The following ERC2 variants were observed in gnomAD, a reference collection of about 807,000 sequenced individuals.
The protein encoded by ERC2 is ERC protein 2.
A neutral mutation model predicts 114.8 loss-of-function variants in ERC2; 42 were observed. The ratio of observed to expected loss-of-function variants is 0.37; its 90% CI spans 0.29 to 0.47. ERC2 has a LOEUF of 0.47. Ranked by LOEUF, ERC2 falls within the 20% of genes least tolerant of loss-of-function variation. The pLI is 0.99. For missense variants in ERC2, 939 were observed against 1,150.7 expected, an observed-to-expected ratio of 0.82 and a Z score of 2.66; for synonymous variants, 454 against 425.5, an observed-to-expected ratio of 1.07 and a Z score of -0.82.
At chr3:56,111,778 A>G (rs982030160) in intron 6 of ERC2, among the ~76,000 whole-genome samples, 2 of 152,236 alleles carry the variant, frequency 1.3e-5, no homozygotes, top group Non-Finnish European at 2.9e-5. Context: ...ATGGCTCATT[A>G]TGTGAAAAGT....
At chr3:56,426,100 T>G (rs1050634110) in intron 2 of ERC2, among the ~76,000 whole-genome samples, 4 of 152,224 alleles carry the variant, frequency 2.6e-5, no homozygotes, top group Admixed American at 6.5e-5. Context: ...AAAGATTTCC[T>G]AGAATCTCCC....
At chr3:56,140,353 C>T (rs2080780614) in intron 5 of ERC2, among the ~76,000 whole-genome samples, 1 of 152,152 alleles carries the variant, frequency 6.6e-6, no homozygotes, top group Non-Finnish European at 1.5e-5. Context: ...GTCTTTTAGG[C>T]TGATCATATA....
chr3:56,188,165 G>T (rs902098951), intron 3 of ERC2, among the ~76,000 whole-genome samples: 1 of 152,132 alleles, frequency 6.6e-6, no homozygotes, highest in African/African-American at 2.4e-5. Flanking sequence ...CAACTTGAGG[G>T]CCACCCTTCT....
Position 55,792,951 on chromosome 3 carries a change from G to A in ERC2, c.2565-58033C>T, listed in dbSNP as rs187631971. On this transcript the variant is annotated intron_variant, in intron 14 of 17. Transcript: ENST00000288221. ...ACCAGCAGAAATTATTGTGTTTCCTGACAACGGGTGAACCATGCCTGGTGA... is the reference window on the plus strand; with the variant it reads ...ACCAGCAGAAATTATTGTGTTTCCTAACAACGGGTGAACCATGCCTGGTGA... Among the ~76,000 whole-genome samples, 373 of 152,342 alleles carry A rather than the reference G, an allele frequency of 2.4e-3. 3 individuals are homozygous for A. The highest frequency in any genetic ancestry group is 3.9e-3 in the Non-Finnish European group (262 of 68,028).
intron 7 of ERC2, among the ~76,000 whole-genome samples, chr3:56,036,932 T>C (rs957746394): frequency 4.6e-5 from 7 of 151,880 alleles, no homozygotes; most frequent in African/African-American, 1.7e-4. Flanking sequence ...CAGCAAACCA[T>C]AGCAGCCCTA....
chr3:55,845,460 C>T (rs972222749), intron 14 of ERC2, among the ~76,000 whole-genome samples: 4 of 144,080 alleles, frequency 2.8e-5, no homozygotes, highest in African/African-American at 1.0e-4. Context: ...GCCGAGATCC[C>T]GCCACTGCAC....
intron 14 of ERC2, among the ~76,000 whole-genome samples, chr3:55,774,567 T>G (rs2068459277): frequency 6.6e-6 from 1 of 152,238 alleles, no homozygotes; most frequent in Non-Finnish European, 1.5e-5. Flanking sequence ...AAGGAGGCAT[T>G]TGTATTCATT....
rs60242810 is a variant in ERC2, at chr3:55,613,982, CAAAAAAAAAAAAAAAAAA to C, written c.*39+69794_*39+69811del. Among the ~76,000 whole-genome samples the C allele has an allele frequency of 2.4e-4, 15 of 62,276 alleles. No homozygotes were observed. The East Asian group carries it at 4.8e-3, about 20-fold the overall frequency. 40.9% of individuals were successfully genotyped at this position (62,276 alleles called of 152,430 possible). ...TGGGAGACAGAGTGAGACTTCCTCT[CAAAAAAAAAAAAAAAAAA>C]AAAAAAAAAAAAAGAAGACATGGCT... On this transcript the variant is annotated intron_variant, in intron 17 of 17. Transcript: ENST00000288221.
chr3:55,783,382 G>C (rs995318465), intron 14 of ERC2, among the ~76,000 whole-genome samples: 1 of 152,194 alleles, frequency 6.6e-6, no homozygotes, highest in African/African-American at 2.4e-5. Flanking sequence ...TCTAAGGTAA[G>C]CACTCAGCAA....
chr3:56,064,587 C>T (rs1441328397), intron 7 of ERC2, among the ~76,000 whole-genome samples: 1 of 152,228 alleles, frequency 6.6e-6, no homozygotes, highest in Admixed American at 6.5e-5. Flanking sequence ...GAAGACCTCA[C>T]CCTTGGGAAC....
chr3:55,527,051 C>A (rs2053367943), intron 17 of ERC2, among the ~76,000 whole-genome samples: 1 of 152,250 alleles, frequency 6.6e-6, no homozygotes, highest in Non-Finnish European at 1.5e-5. Context: ...GAAGTATCCA[C>A]ATGGCTATTC....
rs2051933871 is a variant in ERC2, at chr3:55,509,221, A to C, written c.*2095T>G. 1 of 152,248 alleles carries C rather than the reference A, an allele frequency of 6.6e-6. No homozygotes were observed. The highest frequency in any genetic ancestry group is 1.5e-5 in the Non-Finnish European group (1 of 68,034). 9.4% of individuals were successfully genotyped at this position (152,248 alleles called of 1,614,324 possible). ...GGCACATACATAGAAATAGCTAGCTATACATGGGTTGGTTTTTTTTTTCTG... is the reference window on the plus strand; with the variant it reads ...GGCACATACATAGAAATAGCTAGCTCTACATGGGTTGGTTTTTTTTTTCTG... On this transcript the variant is annotated 3_prime_UTR_variant, in exon 18 of 18. Coordinates refer to ENST00000288221, the MANE Select transcript of ERC2 (RefSeq NM_015576.3).
At chr3:55,910,285 CG>C (rs1298941292) in intron 13 of ERC2, among the ~76,000 whole-genome samples, 1 of 151,728 alleles carries the variant, frequency 6.6e-6, no homozygotes, top group Non-Finnish European at 1.5e-5. Context: ...CCAGCTACTC[CG>C]GAGGCTGAGG....
rs535559220 is a variant in ERC2 at position 55,553,706 on chromosome 3, G to A, written c.*40-42430C>T. Among the ~76,000 whole-genome samples the A allele has an allele frequency of 5.3e-5, 8 of 152,202 alleles. No homozygotes were observed. The South Asian group carries it at 1.7e-3, about 32-fold the overall frequency. On this transcript the variant is annotated intron_variant, in intron 17 of 17. Transcript: ENST00000288221. ...GAGGCAGGAGAATGGCGTGAACCCG[G>A]GAGGTGGAGCTTGCCGTGAGTCAAG...
chr3:56,226,088 A>T (rs1296908188), intron 3 of ERC2, among the ~76,000 whole-genome samples: 1 of 152,244 alleles, frequency 6.6e-6, no homozygotes, highest in Non-Finnish European at 1.5e-5. Flanking sequence ...CAGTGAAAAG[A>T]ACTCGGATCC....
chr3:55,863,226 A>G (rs965402455), intron 14 of ERC2, among the ~76,000 whole-genome samples: 5 of 152,178 alleles, frequency 3.3e-5, no homozygotes, highest in African/African-American at 4.8e-5. Flanking sequence ...GAATGCTCAT[A>G]CACTTAGCCA....
At chr3:56,375,627 A>G (rs2059511486) in intron 2 of ERC2, among the ~76,000 whole-genome samples, 1 of 152,182 alleles carries the variant, frequency 6.6e-6, no homozygotes, top group African/African-American at 2.4e-5. Context: ...TACAACGATG[A>G]AACACTAAAT....
chr3:56,460,314 C>T (rs2063253972), intron 1 of ERC2, among the ~76,000 whole-genome samples: 1 of 152,154 alleles, frequency 6.6e-6, no homozygotes. Context: ...AATTTAGCAG[C>T]CTTGAGAGTA....
At chr3:55,631,581 C>T (rs1288283598) in intron 17 of ERC2, among the ~76,000 whole-genome samples, 2 of 152,222 alleles carry the variant, frequency 1.3e-5, no homozygotes, top group African/African-American at 4.8e-5. Context: ...TAAACTCCCA[C>T]TTGGTTTCTT....
Sources: gnomAD v4.1 joint callset for allele counts (sites outside exome capture counted in the v4.1 genomes callset) on GRCh38, gnomAD v4.1.1 for gene constraint, MANE v1.5 for transcripts, NCBI Gene and HGNC (gene_info 2026-07-23, HGNC 2026-07-21) for gene names.